The following CYP4A22 variants were observed in gnomAD, a reference collection of about 807,000 sequenced individuals.
The protein encoded by CYP4A22 is cytochrome P450 4A22.
CYP4A22 carries 46 observed loss-of-function variants against 56.2 expected under a neutral mutation model. The observed-to-expected ratio is 0.82, with a 90% CI of 0.65 to 1.05. The LOEUF (loss-of-function observed/expected upper bound fraction) is 1.05. CYP4A22 is among the 50% of genes least tolerant of loss of function. The probability of loss-of-function intolerance (pLI) is 0.00; values close to 1 mark genes in which losing one functional copy is unlikely to be tolerated. For synonymous variants in CYP4A22, 193 were observed against 251.1 expected, an observed-to-expected ratio of 0.77 and a Z score of 2.19; for missense variants, 541 against 645.9, an observed-to-expected ratio of 0.84 and a Z score of 1.76.
At chr1:47,142,061 G>T (rs376744277) in intron 3 of CYP4A22, 47 bp from the exon 4 acceptor site, 5 of 1,573,818 alleles carry the variant, frequency 3.2e-6, no homozygotes, top group Non-Finnish European at 4.3e-6. Context: ...CCCTAGGTCC[G>T]TGCAGCCTCT....
intron 9 of CYP4A22, among the ~76,000 whole-genome samples, chr1:47,145,379 C>T (rs939884181): frequency 1.3e-5 from 2 of 152,156 alleles, no homozygotes; most frequent in Non-Finnish European, 2.9e-5. Flanking sequence ...CAGAGAGCAG[C>T]CAATGACCAG....
rs754698284 is a variant in CYP4A22 at position 47,143,825 on chromosome 1, G to A, written c.699G>A (p.Arg233=). The A allele has an allele frequency of 9.3e-6, 15 of 1,613,958 alleles. No individual in the cohort carries two copies. In the Admixed American group the frequency reaches 2.3e-4, roughly 25 times the overall value. Residue 233 remains arginine (R), a synonymous_variant, in exon 6 of 12, where the codon AGG becomes AGA. Coordinates refer to ENST00000371891, the MANE Select transcript of CYP4A22 (RefSeq NM_001010969.4). ...ACAGCCTGGTTTTTTGCTGTATGAG[G>A]AATGCCTTTCATGAGAATGACACCA... ...DLNSLVFCCM[R]NAFHENDTIY...
chr1:47,138,570 T>G (rs1376944444), intron 1 of CYP4A22, among the ~76,000 whole-genome samples: 1 of 152,218 alleles, frequency 6.6e-6, no homozygotes, highest in Admixed American at 6.5e-5. Context: ...TCAGGATGGC[T>G]TTGAATGTGG....
At chr1:47,147,162 C>T in intron 11 of CYP4A22, 2 of 985,448 alleles carry the variant, frequency 2.0e-6, no homozygotes, top group Non-Finnish European at 2.4e-6. Context: ...GGTGAGTCCA[C>T]TTACATGGAA....
rs372793464 is a variant in CYP4A22 at position 47,149,060 on chromosome 1, A to G, written c.*263A>G. The G allele has an allele frequency of 7.0e-3, 2,913 of 416,220 alleles. 18 individuals are homozygous for G. The highest frequency in any genetic ancestry group is 0.036 in the South Asian group (653 of 17,966). The allele number at this position is 416,220 out of a possible 1,614,324, so 25.8% of individuals were successfully genotyped here. A position where few individuals can be genotyped will look rare whatever the true frequency, so the allele number is the denominator to read the frequency against. On this transcript the variant is annotated 3_prime_UTR_variant, in exon 12 of 12. Transcript: ENST00000371891. ...GAGCTTGCATGTCTGACATAATGTA[A>G]AAGAGTCTTGAATCATGTCCAGGAT...
chr1:47,147,084 A>C, intron 11 of CYP4A22: 4 of 985,480 alleles, frequency 4.1e-6, no homozygotes, highest in Non-Finnish European at 4.8e-6. Context: ...ACACACAGGC[A>C]AAAATGATAA....
rs201122681 is a variant in CYP4A22, at chr1:47,140,817, G to A, written c.233G>A (p.Arg78Gln). The A allele has an allele frequency of 1.2e-4, 190 of 1,614,046 alleles. No individual in the cohort carries two copies. Among genetic ancestry groups the A allele is most frequent in the African/African-American group, 8.0e-5 (6 of 74,908 alleles). Residue 78 changes from arginine to glutamine, a missense_variant, in exon 2 of 12, where the codon CGG (arginine) becomes CAG (glutamine). Physicochemically the swap from Arg to Gln is conservative, Grantham distance 43 (BLOSUM62 1). Around this residue, in one of 3 missense-constraint regions of CYP4A22, gnomAD observed 335 missense variants for 361.2 expected, o/e 0.93. Transcript: ENST00000371891. The part of the protein sequence containing the change: ...HDQELQRIQE[R>Q]VKTFPSACPY... Reference sequence around the variant, plus strand: ...CAGGAGCTACAACGGATTCAGGAACGGGTGAAGACATTCCCAAGTGCCTGT... The same window carrying A: ...CAGGAGCTACAACGGATTCAGGAACAGGTGAAGACATTCCCAAGTGCCTGT...
intron 9 of CYP4A22, 68 bp from the exon 10 acceptor site, chr1:47,145,798 C>A (rs1001721194): frequency 5.0e-6 from 8 of 1,601,494 alleles, no homozygotes; most frequent in Non-Finnish European, 6.8e-6. Context: ...TTTGCCCCTG[C>A]AGGCTGAAGT....
chr1:47,142,542 A>G (rs1226387080), intron 4 of CYP4A22, among the ~76,000 whole-genome samples: 3 of 152,208 alleles, frequency 2.0e-5, no homozygotes, highest in African/African-American at 7.2e-5. Context: ...ATCTTGTTGG[A>G]CAGTAGGACT....
intron 1 of CYP4A22, 78 bp downstream of exon 1, chr1:47,137,758 G>A: frequency 2.0e-6 from 3 of 1,513,570 alleles, no homozygotes; most frequent in Non-Finnish European, 2.7e-6. Context: ...AATCCATAGA[G>A]CAAAGCCTTG....
At chr1:47,140,500 A>C (rs1228564744) in intron 1 of CYP4A22, among the ~76,000 whole-genome samples, 1 of 152,234 alleles carries the variant, frequency 6.6e-6, no homozygotes, top group Non-Finnish European at 1.5e-5. Context: ...CACATTGCCC[A>C]AGGAAATTGT....
rs1479029427 is a variant in CYP4A22 at position 47,143,246 on chromosome 1, G to T, written c.511-23G>T. The stretch of plus-strand genomic sequence containing the variant: ...AAAGCACTTCTTGGAGATTAAGAAG[G>T]TCCATGCCCCCTCCCACCACAGGAC... On this transcript the variant is annotated intron_variant, in intron 4 of 11. Transcript: ENST00000371891. The T allele has an allele frequency of 2.5e-6, 4 of 1,593,142 alleles. No individual in the cohort carries two copies. In the African/African-American group the frequency reaches 4.0e-5, roughly 16 times the overall value.
rs774759365 is a variant in CYP4A22, at chr1:47,144,648, G to T, written c.996G>T (p.Trp332Cys). 8 of 1,613,862 alleles carry T rather than the reference G, an allele frequency of 5.0e-6. No homozygotes were observed. In the South Asian group the frequency reaches 6.6e-5, roughly 13 times the overall value. The change falls in exon 8 of 12, where the codon TGG becomes TGT. Residue 332 changes from tryptophan to cysteine, a missense_variant. By Grantham distance (215) the Trp-to-Cys change is radical. Around this residue, in one of 3 missense-constraint regions of CYP4A22, gnomAD observed 204 missense variants for 258.9 expected, o/e 0.79. Transcript: ENST00000371891. ...ACACCACAGCCAGTGGGATCTCCTG[G>T]ATCCTCTATGCTCTGGCCACACACC... The part of the protein sequence containing the change: ...GHDTTASGIS[W>C]ILYALATHPK...
Position 47,143,275 on chromosome 1 carries a change from T to G in CYP4A22, c.517T>G (p.Trp173Gly). 1 of 1,611,570 alleles carries G rather than the reference T, an allele frequency of 6.2e-7. No individual in the cohort carries two copies. Residue 173 changes from tryptophan (W) to glycine (G), a missense_variant, in exon 5 of 12, where the codon TGG (tryptophan) becomes GGG (glycine). Around this residue, in one of 3 missense-constraint regions of CYP4A22, gnomAD observed 335 missense variants for 361.2 expected, o/e 0.93. Transcript: ENST00000371891. ...ATGCCCCCTCCCACCACAGGACAAATGGGAAGAGCTCCTTGGCCAGGATTC... is the reference window on the plus strand; with the variant it reads ...ATGCCCCCTCCCACCACAGGACAAAGGGGAAGAGCTCCTTGGCCAGGATTC... ...ADSVRVMLDK[W>G]EELLGQDSPL...
intron 8 of CYP4A22, 35 bp downstream of exon 8, chr1:47,144,775 T>C: frequency 6.2e-7 from 1 of 1,611,756 alleles, no homozygotes; most frequent in African/African-American, 1.3e-5. Context: ...GTTCCCTGCC[T>C]TCTCCACAGG....
At chr1:47,145,430 C>G (rs891151969) in intron 9 of CYP4A22, among the ~76,000 whole-genome samples, 6 of 152,176 alleles carry the variant, frequency 3.9e-5, no homozygotes, top group Non-Finnish European at 7.4e-5. Flanking sequence ...GTTCTGGTCC[C>G]AGTCCTGCTA....
chr1:47,147,453 T>A, intron 11 of CYP4A22: 5 of 981,612 alleles, frequency 5.1e-6, no homozygotes, highest in Non-Finnish European at 6.0e-6. Flanking sequence ...AAAACAGAGA[T>A]AAAAGGTACA....
intron 1 of CYP4A22, among the ~76,000 whole-genome samples, chr1:47,139,176 A>G (rs371357296): frequency 3.3e-5 from 5 of 152,078 alleles, no homozygotes; most frequent in Admixed American, 2.6e-4. Context: ...TTTCTCACTC[A>G]TATCTATCGG....
At chr1:47,139,825 G>T (rs1238915649) in intron 1 of CYP4A22, among the ~76,000 whole-genome samples, 1 of 152,204 alleles carries the variant, frequency 6.6e-6, no homozygotes, top group African/African-American at 2.4e-5. Flanking sequence ...GTCTTTGAGG[G>T]TTCCAGATGA....
Sources: allele counts gnomAD v4.1 joint callset (sites outside exome capture counted in the v4.1 genomes callset), GRCh38; gene constraint gnomAD v4.1.1; regional missense constraint gnomAD v4.1.1; transcripts MANE v1.5; gene names NCBI Gene and HGNC (gene_info 2026-07-23, HGNC 2026-07-21).